The following HPS4 variants were observed in gnomAD, a reference collection of about 807,000 sequenced individuals.
HPS4 encodes the protein BLOC-3 complex member HPS4.
A neutral mutation model predicts 70.3 loss-of-function variants in HPS4; 44 were observed. That is an observed-to-expected ratio of 0.63 (90% CI 0.49 to 0.80). The LOEUF is 0.80. Among genes scored for constraint, HPS4 ranks in the 30% least tolerant of loss-of-function variants. The pLI is 0.00. For missense variants in HPS4, 873 were observed against 884.4 expected, an observed-to-expected ratio of 0.99 and a Z score of 0.16; for synonymous variants, 377 against 355.9, an observed-to-expected ratio of 1.06 and a Z score of -0.67.
intron 3 of HPS4, among the ~76,000 whole-genome samples, chr22:26,478,570 CAA>C (rs58708957): frequency 1.8e-5 from 2 of 111,204 alleles, no homozygotes; most frequent in Non-Finnish European, 1.7e-5. Flanking sequence ...GCCTCCATCA[CAA>C]AAAAAAAAAA....
In HPS4 at chr22:26,452,982, G is replaced by A. The variant is rs981599986; in HGVS notation, c.*251C>T. ...GTATGGCAGAGAGGGAGCCAAGCCC[G>A]TCCCGGCCCCAACACTACCGATTAA... On this transcript the variant is annotated 3_prime_UTR_variant, in exon 14 of 14. Coordinates refer to ENST00000398145, the MANE Select transcript of HPS4 (RefSeq NM_022081.6). 4.6e-5 allele frequency: 23 copies of A among 501,210 alleles called. No homozygotes were observed. Among genetic ancestry groups the A allele is most frequent in the Middle Eastern group, 5.5e-4 (1 of 1,828 alleles). The allele number at this position is 501,210 out of a possible 1,614,324, so 31.0% of individuals were successfully genotyped here.
intron 13 of HPS4, chr22:26,454,063 C>T (rs922893133): frequency 5.9e-5 from 9 of 153,184 alleles, no homozygotes; most frequent in Admixed American, 5.2e-4. Flanking sequence ...AACAAACCCC[C>T]CTGGTTTCTG....
rs1451882543 is a variant in HPS4 at position 26,458,547 on chromosome 22, G to A, written c.1744C>T (p.Leu582=). The change falls in exon 12 of 14, where the codon CTG becomes TTG. Residue 582 remains leucine, a synonymous_variant. Transcript: ENST00000398145. The part of the protein sequence containing the change: ...YHSSLASLNG[L]EVHLKETLPR... ...AGCGTCTCTTTCAGGTGGACTTCCA[G>A]CCCATTCAGTGAAGCCAGGCTGCTG... The A allele has an allele frequency of 6.2e-7, 1 of 1,614,174 alleles. No individual in the cohort carries two copies. Among genetic ancestry groups the A allele is most frequent in the Admixed American group, 1.7e-5 (1 of 60,026 alleles).
chr22:26,476,575 T>C (rs2090575549), intron 4 of HPS4: 1 of 200,988 alleles, frequency 5.0e-6, no homozygotes, highest in African/African-American at 2.4e-5. Context: ...ATCGAACTCC[T>C]GGACTCAAGC....
intron 3 of HPS4, among the ~76,000 whole-genome samples, chr22:26,445,754 A>C (rs2084932441): frequency 6.6e-6 from 1 of 152,200 alleles, no homozygotes; most frequent in South Asian, 2.1e-4. Context: ...AAGGCCGCCA[A>C]ATGGAAGAGA....
chr22:26,476,696 T>C (rs545412237), intron 4 of HPS4: 38 of 377,526 alleles, frequency 1.0e-4, no homozygotes, highest in African/African-American at 7.2e-4. Context: ...GAAAAGATGA[T>C]GATAAAAACT....
chr22:26,481,772 A>G lies in HPS4; in HGVS notation c.-10T>C. ...AGGTAGAGGTGGCCATCTACTGTGC[A>G]GTCATCCTCATTCTCTTCATTTAGG... On this transcript the variant is annotated 5_prime_UTR_variant, in exon 2 of 14. Coordinates refer to ENST00000398145, the MANE Select transcript of HPS4 (RefSeq NM_022081.6). 1.2e-6 allele frequency: 2 copies of G among 1,613,770 alleles called. No individual in the cohort carries two copies. Among genetic ancestry groups the G allele is most frequent in the Non-Finnish European group, 1.7e-6 (2 of 1,179,648 alleles).
chr22:26,479,706 A>G, intron 2 of HPS4: 1 of 1,095,852 alleles, frequency 9.1e-7, no homozygotes, highest in Non-Finnish European at 1.1e-6. Flanking sequence ...TAAGGCTCTG[A>G]TAACAAAATA....
In HPS4 at chr22:26,464,925, G is replaced by A. The variant is rs991421524; in HGVS notation, c.804-99C>T. The A allele has an allele frequency of 4.2e-6, 5 of 1,181,078 alleles. No individual in the cohort carries two copies. The African/African-American group carries it at 4.6e-5, about 11-fold the overall frequency. The allele number at this position is 1,181,078 out of a possible 1,614,324, so 73.2% of individuals were successfully genotyped here. A position where few individuals can be genotyped will look rare whatever the true frequency, so the allele number is the denominator to read the frequency against. On this transcript the variant is annotated intron_variant, in intron 10 of 13. Coordinates refer to ENST00000398145, the MANE Select transcript of HPS4 (RefSeq NM_022081.6). ...CTAAAGCACAGGCATCAAGGACAAG[G>A]GGGTGCCTGAGGCCACAGAGCCTAA...
chr22:26,444,371 G>A (rs1251223610), exon 4 of HPS4: 20 of 152,186 alleles, frequency 1.3e-4, no homozygotes, highest in Admixed American at 1.3e-3. Context: ...GTGCTAGTGA[G>A]GAGACAGAGA....
In HPS4 at chr22:26,456,742, G is replaced by C. The variant is rs1369428630; in HGVS notation, c.1955+1117C>G. Among the ~76,000 whole-genome samples the C allele has an allele frequency of 1.1e-4, 17 of 152,092 alleles. No individual in the cohort carries two copies. In the East Asian group the frequency reaches 1.9e-3, roughly 17 times the overall value. On this transcript the variant is annotated intron_variant, in intron 13 of 13. Transcript: ENST00000398145. Reference sequence around the variant, plus strand: ...TATACACATTGCCAGCACTGCCCTTGACCTGCTAACTTGCTTTATTTTCTG... The same window carrying C: ...TATACACATTGCCAGCACTGCCCTTCACCTGCTAACTTGCTTTATTTTCTG...
intron 11 of HPS4, among the ~76,000 whole-genome samples, chr22:26,463,586 C>T (rs949142453): frequency 2.6e-5 from 4 of 152,248 alleles, no homozygotes; most frequent in Non-Finnish European, 4.4e-5. Flanking sequence ...GTTCACACAG[C>T]TAGAGGACAA....
rs752755928 is a variant in HPS4, at chr22:26,452,264, G to A, written c.*969C>T. The A allele has an allele frequency of 2.3e-5, 10 of 432,058 alleles. No individual in the cohort carries two copies. Among genetic ancestry groups the A allele is most frequent in the South Asian group, 1.7e-4 (10 of 59,946 alleles). The allele number at this position is 432,058 out of a possible 1,614,324, so 26.8% of individuals were successfully genotyped here. ...CCAGTAAACATTCAGTTAAGATTTT[G>A]ACAAATATTTTCATCCTGCAGTCTG... is the stretch of plus-strand genomic sequence containing the variant. On this transcript the variant is annotated 3_prime_UTR_variant, in exon 14 of 14. Transcript: ENST00000398145.
chr22:26,473,311 T>C (rs750292488), intron 4 of HPS4, among the ~76,000 whole-genome samples: 4 of 152,188 alleles, frequency 2.6e-5, no homozygotes, highest in Non-Finnish European at 5.9e-5. Flanking sequence ...ACAGTAGATG[T>C]TTAATCTGGA....
chr22:26,447,908 G>T (rs2085008694), downstream of HPS4, among the ~76,000 whole-genome samples: 1 of 152,176 alleles, frequency 6.6e-6, no homozygotes, highest in Non-Finnish European at 1.5e-5. Context: ...TTCGAGGTGA[G>T]GGCACCTGCT....
At chr22:26,477,470 T>C (rs2090708190) in intron 3 of HPS4, among the ~76,000 whole-genome samples, 1 of 152,220 alleles carries the variant, frequency 6.6e-6, no homozygotes, top group Non-Finnish European at 1.5e-5. Context: ...GCTAGGATTA[T>C]AGGCATATGC....
intron 6 of HPS4, 107 bp downstream of exon 6, chr22:26,472,195 G>C: frequency 1.2e-6 from 1 of 810,746 alleles, no homozygotes; most frequent in East Asian, 2.4e-5. Context: ...CCTGAGAAGT[G>C]ACATTCTACT....
At chr22:26,447,371 C>T (rs1285669824), downstream of HPS4, among the ~76,000 whole-genome samples, 27 of 152,228 alleles carry the variant, frequency 1.8e-4, no homozygotes, top group Admixed American at 1.8e-3. Flanking sequence ...CCAGCTCTAC[C>T]TCTGGACTTT....
downstream of HPS4, among the ~76,000 whole-genome samples, chr22:26,449,070 C>T (rs999654539): frequency 9.9e-5 from 15 of 152,072 alleles, no homozygotes; most frequent in African/African-American, 2.9e-4. Context: ...CTGCTCACTC[C>T]GTCCGCCAGC....
Sources: gnomAD v4.1 joint callset for allele counts (sites outside exome capture counted in the v4.1 genomes callset) on GRCh38, gnomAD v4.1.1 for gene constraint, MANE v1.5 for transcripts, NCBI Gene and HGNC (gene_info 2026-07-23, HGNC 2026-07-21) for gene names.